The following PPARGC1A variants were observed in gnomAD, a reference collection of about 807,000 sequenced individuals.
PPARGC1A encodes the protein PPARG coactivator 1 alpha.
PPARGC1A carries 25 observed loss-of-function variants against 88.7 expected under a neutral mutation model. That is an observed-to-expected ratio of 0.28 (90% CI 0.21 to 0.39). The LOEUF (loss-of-function observed/expected upper bound fraction) is 0.39. Ranked by LOEUF, PPARGC1A falls within the 10% of genes least tolerant of loss-of-function variation. PPARGC1A has a pLI of 1.00. For synonymous variants in PPARGC1A, 363 were observed against 355.6 expected, an observed-to-expected ratio of 1.02 and a Z score of -0.24; for missense variants, 880 against 968.7, an observed-to-expected ratio of 0.91 and a Z score of 1.22.
chr4:24,420,723 G>A, the PPARGC1A span, among the ~76,000 whole-genome samples: 1 of 152,106 alleles, frequency 6.6e-6, no homozygotes, highest in Non-Finnish European at 1.5e-5. Context: ...CCTACCACTT[G>A]GCACATTCTC....
the PPARGC1A span, among the ~76,000 whole-genome samples, chr4:24,106,460 C>T: frequency 6.6e-6 from 1 of 152,198 alleles, no homozygotes; most frequent in Non-Finnish European, 1.5e-5. Context: ...CTTCAAGTAG[C>T]AACTTGAGCC....
chr4:23,966,987 C>A, the PPARGC1A span, among the ~76,000 whole-genome samples: 3 of 152,174 alleles, frequency 2.0e-5, no homozygotes, highest in Admixed American at 2.0e-4. Context: ...AAATCTCTGT[C>A]CCTGCCTACC....
chr4:24,206,840 TAAAAAAAAAAAA>T, the PPARGC1A span, among the ~76,000 whole-genome samples: 284 of 43,674 alleles, frequency 6.5e-3, 16 homozygotes, highest in East Asian at 0.12. Context: ...GACTTCACCT[TAAAAAAAAAAAA>T]AAAAAAAAAA....
chr4:24,180,077 C>T, the PPARGC1A span, among the ~76,000 whole-genome samples: 1 of 152,130 alleles, frequency 6.6e-6, no homozygotes, highest in Non-Finnish European at 1.5e-5. Flanking sequence ...TGTGTCGACT[C>T]TGACTACATG....
intron 7 of PPARGC1A, among the ~76,000 whole-genome samples, chr4:23,816,826 C>T (rs1325415684): frequency 2.0e-5 from 3 of 152,178 alleles, no homozygotes; most frequent in African/African-American, 7.2e-5. Context: ...TATCTCTTTT[C>T]GAATGTGAAT....
chr4:23,930,995 G>A, the PPARGC1A span, among the ~76,000 whole-genome samples: 1 of 152,220 alleles, frequency 6.6e-6, no homozygotes, highest in African/African-American at 2.4e-5. Flanking sequence ...GGCACATGCC[G>A]CCGCGTGGAG....
At chr4:23,889,282 T>G (rs959564015) in intron 1 of PPARGC1A, 3 of 985,314 alleles carry the variant, frequency 3.0e-6, no homozygotes, top group African/African-American at 3.5e-5. Flanking sequence ...AACCTTGCAC[T>G]GCCAGGCGTT....
At chr4:24,016,365 C>G in the PPARGC1A span, among the ~76,000 whole-genome samples, 193 of 152,264 alleles carry the variant, frequency 1.3e-3, 3 homozygotes, top group Admixed American at 0.011. Flanking sequence ...AAATCTAACC[C>G]ATTTTTCAGT....
chr4:24,135,736 G>C, the PPARGC1A span, among the ~76,000 whole-genome samples: 1 of 152,172 alleles, frequency 6.6e-6, no homozygotes, highest in Non-Finnish European at 1.5e-5. Flanking sequence ...AGTGGTACAA[G>C]AGCTGCTACT....
the PPARGC1A span, among the ~76,000 whole-genome samples, chr4:24,128,811 T>C: frequency 2.0e-5 from 3 of 152,134 alleles, no homozygotes; most frequent in African/African-American, 7.2e-5. Context: ...ATCCCCTAAA[T>C]AGGATTCGAC....
the PPARGC1A span, among the ~76,000 whole-genome samples, chr4:24,043,176 G>A: frequency 6.6e-6 from 1 of 152,052 alleles, no homozygotes; most frequent in Non-Finnish European, 1.5e-5. Flanking sequence ...AGAATAAGTG[G>A]GCAGCTAAAT....
chr4:24,332,783 T>C, the PPARGC1A span, among the ~76,000 whole-genome samples: 29 of 152,326 alleles, frequency 1.9e-4, no homozygotes, highest in Non-Finnish European at 2.5e-4. Context: ...ACAGATGCGA[T>C]AGTCTATTAA....
At chr4:24,226,870 A>T in the PPARGC1A span, among the ~76,000 whole-genome samples, 1 of 152,210 alleles carries the variant, frequency 6.6e-6, no homozygotes, top group Non-Finnish European at 1.5e-5. Flanking sequence ...GCACAAGGGC[A>T]GGAGTTGAGA....
rs1178943458 is a variant in PPARGC1A at position 23,814,127 on chromosome 4, C to T, written c.1356G>A (p.Gln452=). The T allele has an allele frequency of 6.2e-7, 1 of 1,613,922 alleles. No individual in the cohort carries two copies. The highest frequency in any genetic ancestry group is 1.7e-5 in the Admixed American group (1 of 59,996). The change falls in exon 8 of 13, where the codon CAG becomes CAA. Residue 452 remains glutamine (Q), a synonymous_variant. Coordinates refer to ENST00000264867, the MANE Select transcript of PPARGC1A (RefSeq NM_013261.5). The stretch of plus-strand genomic sequence containing the variant: ...CGGCTCGGATTTCCTGGTCTTGGAG[C>T]TGTTTTCTTGTGCTGCAAGGAGAGA... ...KQVSPCSTRK[Q]LQDQEIRAEL... is the part of the protein sequence containing the mutation.
chr4:24,359,986 G>T, the PPARGC1A span, among the ~76,000 whole-genome samples: 1 of 152,182 alleles, frequency 6.6e-6, no homozygotes. Flanking sequence ...CATCTGAGTA[G>T]AAGGTAAATC....
chr4:24,073,329 A>T, the PPARGC1A span, among the ~76,000 whole-genome samples: 1 of 152,302 alleles, frequency 6.6e-6, no homozygotes, highest in African/African-American at 2.4e-5. Context: ...GACATGAGCC[A>T]TCATGCCCAG....
the PPARGC1A span, among the ~76,000 whole-genome samples, chr4:24,027,886 A>C: frequency 6.6e-6 from 1 of 152,206 alleles, no homozygotes; most frequent in African/African-American, 2.4e-5. Context: ...ATCAGTGCCC[A>C]TAATAATCAC....
the PPARGC1A span, among the ~76,000 whole-genome samples, chr4:23,931,435 T>G: frequency 6.7e-6 from 1 of 149,064 alleles, no homozygotes; most frequent in Admixed American, 6.7e-5. Flanking sequence ...CCGCCCTGAC[T>G]TTTTTTTTTA....
the PPARGC1A span, among the ~76,000 whole-genome samples, chr4:24,261,261 C>A: frequency 6.6e-6 from 1 of 152,188 alleles, no homozygotes; most frequent in East Asian, 1.9e-4. Flanking sequence ...TCTCTCCCTC[C>A]CCTTGGACCA....
Sources: allele counts gnomAD v4.1 joint callset (sites outside exome capture counted in the v4.1 genomes callset), GRCh38; gene constraint gnomAD v4.1.1; transcripts MANE v1.5; gene names NCBI Gene and HGNC (gene_info 2026-07-23, HGNC 2026-07-21).